Variants in FAM161A observed in about 807,000 individuals in gnomAD.
FAM161A encodes the protein FAM161 centrosomal protein A.
Under a neutral mutation model 70.9 loss-of-function variants are expected in FAM161A, and 57 were observed. That is an observed-to-expected ratio of 0.80 (90% CI 0.65 to 1.00). The LOEUF is 1.00. Among genes scored for constraint, FAM161A ranks in the 50% least tolerant of loss-of-function variants. FAM161A has a pLI of 0.00. For missense variants in FAM161A, 880 were observed against 836.0 expected, an observed-to-expected ratio of 1.05 and a Z score of -0.65; for synonymous variants, 299 against 295.7, an observed-to-expected ratio of 1.01 and a Z score of -0.12.
At chr2:61,848,838 T>A (rs867397978) in intron 1 of FAM161A, among the ~76,000 whole-genome samples, 2 of 25,256 alleles carry the variant, frequency 7.9e-5, no homozygotes, top group African/African-American at 1.6e-4. Flanking sequence ...CTATATATAT[T>A]TATATATATA....
chr2:61,839,513 T>TG lies in FAM161A; in HGVS notation c.1490dup (p.Pro498ThrfsTer13). On this transcript the variant is annotated frameshift_variant, in exon 3 of 7. Coordinates refer to ENST00000404929, the MANE Select transcript of FAM161A (RefSeq NM_001201543.2). LOFTEE classifies it high-confidence loss of function. ...GGTTTACACCTGCACATCTTACTGG[T>TG]GACTTACGCCTTGGAGACAAATAAG... 6.2e-7 allele frequency: 1 copy of TG among 1,614,200 alleles called. No homozygotes were observed. Among genetic ancestry groups the TG allele is most frequent in the Non-Finnish European group, 8.5e-7 (1 of 1,180,032 alleles).
At chr2:61,845,933 A>T (rs566151201) in intron 1 of FAM161A, among the ~76,000 whole-genome samples, 1 of 152,152 alleles carries the variant, frequency 6.6e-6, no homozygotes, top group South Asian at 2.1e-4. Context: ...TACTAAAAAT[A>T]CAAAAATTAG....
chr2:61,812,004 C>T, the FAM161A span, among the ~76,000 whole-genome samples: 2 of 152,072 alleles, frequency 1.3e-5, no homozygotes, highest in Non-Finnish European at 2.9e-5. Flanking sequence ...TAATTCAAAA[C>T]CCCAGGCCCA....
At chr2:61,835,806 A>C (rs1672747146) in intron 5 of FAM161A, 1 of 554,442 alleles carries the variant, frequency 1.8e-6, no homozygotes, top group Non-Finnish European at 3.3e-6. Flanking sequence ...CTGGGACTAC[A>C]GGTGCACACC....
In FAM161A at chr2:61,840,066, T is replaced by C. The variant is rs1672952115; in HGVS notation, c.938A>G (p.Lys313Arg). 3 of 1,614,242 alleles carry C rather than the reference T, an allele frequency of 1.9e-6. No homozygotes were observed. In the East Asian group the frequency reaches 6.7e-5, roughly 36 times the overall value. The change falls in exon 3 of 7, where the codon AAA becomes AGA. Residue 313 changes from lysine to arginine, a missense_variant. By Grantham distance (26) the Lys-to-Arg change is conservative. Coordinates refer to ENST00000404929, the MANE Select transcript of FAM161A (RefSeq NM_001201543.2). ...KEERRRSLKEKSKEALLASQK... is the reference protein window; with the variant it reads ...KEERRRSLKERSKEALLASQK... ...TGAGGCCAAAAGAGCTTCTTTGCTT[T>C]TCTCCTTCAGAGACCTTCTCCGTTC...
At chr2:61,802,609 T>C in the FAM161A span, among the ~76,000 whole-genome samples, 1 of 152,196 alleles carries the variant, frequency 6.6e-6, no homozygotes, top group Admixed American at 6.6e-5. Context: ...ACATTTCCTA[T>C]AAACTGTTAT....
intron 5 of FAM161A, among the ~76,000 whole-genome samples, chr2:61,828,884 G>T (rs1033950089): frequency 6.6e-6 from 1 of 152,130 alleles, no homozygotes; most frequent in Non-Finnish European, 1.5e-5. Context: ...GCCACATAGT[G>T]ACTGGGTTCA....
intron 1 of FAM161A, among the ~76,000 whole-genome samples, chr2:61,845,392 G>A (rs1673167461): frequency 6.6e-6 from 1 of 152,148 alleles, no homozygotes; most frequent in African/African-American, 2.4e-5. Flanking sequence ...CACCTTTATA[G>A]GGTCAAAAGG....
At chr2:61,819,112 T>C in the FAM161A span, among the ~76,000 whole-genome samples, 13 of 152,200 alleles carry the variant, frequency 8.5e-5, no homozygotes, top group African/African-American at 3.1e-4. Context: ...ATGACTGGCC[T>C]GGACTCTTAC....
the FAM161A span, among the ~76,000 whole-genome samples, chr2:61,817,692 T>G: frequency 6.6e-6 from 1 of 152,138 alleles, no homozygotes; most frequent in Non-Finnish European, 1.5e-5. Flanking sequence ...ATAGGCCAGG[T>G]GCGGTGGCTC....
chr2:61,808,727 T>C, the FAM161A span, among the ~76,000 whole-genome samples: 1 of 152,056 alleles, frequency 6.6e-6, no homozygotes, highest in Non-Finnish European at 1.5e-5. Flanking sequence ...AAAAGGTAAA[T>C]TGCTACTCTT....
chr2:61,813,547 C>CAAAAAA, the FAM161A span, among the ~76,000 whole-genome samples: 3 of 55,964 alleles, frequency 5.4e-5, no homozygotes, highest in African/African-American at 1.4e-4. Flanking sequence ...GACTCCACCT[C>CAAAAAA]AAAAAAAAAA....
chr2:61,829,194 T>C (rs1293769970), intron 5 of FAM161A, among the ~76,000 whole-genome samples: 1 of 152,226 alleles, frequency 6.6e-6, no homozygotes, highest in Non-Finnish European at 1.5e-5. Flanking sequence ...CCAAGTCTCT[T>C]GACCATTTCC....
the FAM161A span, among the ~76,000 whole-genome samples, chr2:61,811,523 T>C: frequency 1.3e-5 from 2 of 152,110 alleles, no homozygotes; most frequent in African/African-American, 4.8e-5. Context: ...ACAGGCGTGA[T>C]CCACCACGCC....
chr2:61,821,053 T>C (rs1284251246), downstream of FAM161A, among the ~76,000 whole-genome samples: 2 of 152,050 alleles, frequency 1.3e-5, no homozygotes, highest in Non-Finnish European at 2.9e-5. Context: ...GACTTTTTTT[T>C]TCTTTTTTTT....
At position 61,839,945 on chromosome 2, in the gene FAM161A, ATT is replaced by A; in HGVS notation, c.1057_1058del (p.Asn353SerfsTer3). ...GAGGAATGGGTCTGGCTTTAAATCG[ATT>A]TGTTTTCTTTTTATACTTAAGAAAG... Reference protein sequence around the residue: ...RDFLKYKKKTNRFKARPIPRS... With the variant: ...RDFLKYKKKTXRFKARPIPRS... On this transcript the variant is annotated frameshift_variant, in exon 3 of 7. Transcript: ENST00000404929. LOFTEE classifies it high-confidence loss of function. The A allele has an allele frequency of 5.6e-6, 9 of 1,614,038 alleles. No individual in the cohort carries two copies. Among genetic ancestry groups the A allele is most frequent in the Non-Finnish European group, 7.6e-6 (9 of 1,180,014 alleles).
At chr2:61,837,717 C>T (rs1443271514) in intron 4 of FAM161A, among the ~76,000 whole-genome samples, 5 of 152,000 alleles carry the variant, frequency 3.3e-5, no homozygotes, top group East Asian at 1.9e-4. Context: ...GGTGACAGAG[C>T]GAGACTCTGT....
chr2:61,836,595 A>G, intron 4 of FAM161A: 1 of 157,104 alleles, frequency 6.4e-6, no homozygotes. Flanking sequence ...TTGTTTTGAG[A>G]TGGAGTCTCA....
At position 61,838,540 on chromosome 2, in the gene FAM161A, G is replaced by T; in HGVS notation, c.1749C>A (p.Leu583=). 1 of 1,601,410 alleles carries T rather than the reference G, an allele frequency of 6.2e-7. No individual in the cohort carries two copies. Among genetic ancestry groups the T allele is most frequent in the East Asian group, 2.2e-5 (1 of 44,516 alleles). Residue 583 remains leucine, a splice_region_variant and synonymous_variant, in exon 4 of 7, where the codon CTC becomes CTA. Coordinates refer to ENST00000404929, the MANE Select transcript of FAM161A (RefSeq NM_001201543.2). ...AQISKSRVKC[L]RKSEKERMRE... ...GATTCAAGATTTTTTCATGATACCT[G>T]AGACATTTTACTCTGGATTTAGATA...
Sources: allele counts gnomAD v4.1 joint callset (sites outside exome capture counted in the v4.1 genomes callset), GRCh38; gene constraint gnomAD v4.1.1; transcripts MANE v1.5; gene names NCBI Gene and HGNC (gene_info 2026-07-23, HGNC 2026-07-21).